ANO10: variants seen among roughly 807,000 people sequenced by gnomAD.
The protein encoded by ANO10 is anoctamin 10.
A neutral mutation model predicts 74.7 loss-of-function variants in ANO10; 77 were observed. The ratio of observed to expected loss-of-function variants is 1.03; its 90% CI spans 0.86 to 1.25. The LOEUF (loss-of-function observed/expected upper bound fraction) is 1.25, where lower values mean the gene tolerates loss of function less well. ANO10 is among the 50% of genes most tolerant of loss of function. The pLI, the probability that ANO10 is intolerant of heterozygous loss-of-function variation, is 0.00. For synonymous variants in ANO10, 279 were observed against 284.9 expected (o/e 0.98, Z 0.21); for missense variants, 721 against 778.1 (o/e 0.93, Z 0.87).
intron 11 of ANO10, among the ~76,000 whole-genome samples, chr3:43,461,843 C>A (rs971385202): frequency 3.3e-5 from 5 of 152,092 alleles, no homozygotes; most frequent in Admixed American, 3.3e-4. Context: ...GAAAAGATAC[C>A]CAAAAATGTG....
chr3:43,648,763 G>A (rs558679221), intron 1 of ANO10, among the ~76,000 whole-genome samples: 1 of 147,646 alleles, frequency 6.8e-6, no homozygotes, highest in East Asian at 2.1e-4. Context: ...TGCAAGCTCC[G>A]CTTCCCGGGT....
At chr3:43,383,380 G>A (rs1276358702) in intron 12 of ANO10, among the ~76,000 whole-genome samples, 3 of 151,254 alleles carry the variant, frequency 2.0e-5, no homozygotes, top group African/African-American at 4.9e-5. Context: ...CGTGAACATG[G>A]AAGGCAGAGC....
rs950048663 is a variant in ANO10 at position 43,687,230 on chromosome 3, C to T, written c.-12+4287G>A. On this transcript the variant is annotated intron_variant, in intron 1 of 3. Coordinates refer to the ANO10 transcript ENST00000413397. ...CTCTGGGAGGTCAGGAGTTTGAGAC[C>T]GGCCTGGGCAACACAGTGAGACCTG... 1.1e-4 allele frequency among the ~76,000 whole-genome samples: 16 copies of T among 152,164 alleles called. No individual in the cohort carries two copies. The East Asian group carries it at 1.7e-3, about 16-fold the overall frequency.
At chr3:43,376,468 C>A (rs892265792) in intron 12 of ANO10, among the ~76,000 whole-genome samples, 3 of 152,130 alleles carry the variant, frequency 2.0e-5, no homozygotes, top group African/African-American at 7.2e-5. Flanking sequence ...AAGTCCCTAA[C>A]ATCAAAAGCA....
intron 4 of ANO10, among the ~76,000 whole-genome samples, chr3:43,589,631 C>T (rs1351606617): frequency 6.6e-6 from 1 of 152,026 alleles, no homozygotes; most frequent in African/African-American, 2.4e-5. Flanking sequence ...TAAATAAATA[C>T]ATAAATTAAT....
chr3:43,577,377 C>T, intron 5 of ANO10, 116 bp from the exon 6 acceptor site: 2 of 1,015,968 alleles, frequency 2.0e-6, no homozygotes, highest in Non-Finnish European at 3.0e-6. Context: ...CCTCACTTCC[C>T]AAACAGCGTG....
At chr3:43,577,413 G>C in intron 5 of ANO10, 152 bp from the exon 6 acceptor site, 2 of 793,994 alleles carry the variant, frequency 2.5e-6, no homozygotes, top group Non-Finnish European at 4.1e-6. Flanking sequence ...CCTCCATGCA[G>C]TATAAAGACC....
At chr3:43,620,938 C>A (rs2083364056) in intron 1 of ANO10, among the ~76,000 whole-genome samples, 1 of 152,150 alleles carries the variant, frequency 6.6e-6, no homozygotes. Flanking sequence ...CTTTCCATAG[C>A]GAATTTTAAA....
At chr3:43,430,020 C>A (rs1276541671) in intron 12 of ANO10, among the ~76,000 whole-genome samples, 1 of 152,102 alleles carries the variant, frequency 6.6e-6, no homozygotes, top group Admixed American at 6.5e-5. Context: ...TTTCCCAAAT[C>A]CAGTGAGGAC....
rs561712248 is a variant in ANO10, at chr3:43,457,574, C to A, written c.1798-24847G>T. Among the ~76,000 whole-genome samples, 12 of 152,274 alleles carry A rather than the reference C, an allele frequency of 7.9e-5. No homozygotes were observed. In the East Asian group the frequency reaches 1.9e-3, roughly 24 times the overall value. ...ACCACCCCCATGATTCAATCACCTC[C>A]CTCCCTCAACATGTGGGGATCACGG... On this transcript the variant is annotated intron_variant, in intron 11 of 12. Transcript: ENST00000292246.
At chr3:43,678,931 C>T (rs1377610600) in intron 1 of ANO10, among the ~76,000 whole-genome samples, 1 of 152,158 alleles carries the variant, frequency 6.6e-6, no homozygotes, top group Non-Finnish European at 1.5e-5. Context: ...GTTATGCTTT[C>T]TAAAGATTTT....
In ANO10 at chr3:43,451,261, C is replaced by T. The variant is rs564091484; in HGVS notation, c.1798-18534G>A. 1.1e-4 allele frequency among the ~76,000 whole-genome samples: 16 copies of T among 152,282 alleles called. No homozygotes were observed. In the East Asian group the frequency reaches 1.4e-3, roughly 13 times the overall value. ...GCTGCAAGGGCTACTAGAAGACACA[C>T]CTGAGCTGAAGAGAGCCACCTTGAC... On this transcript the variant is annotated intron_variant, in intron 11 of 12. Coordinates refer to ENST00000292246, the MANE Select transcript of ANO10 (RefSeq NM_018075.5).
At chr3:43,531,811 C>T (rs1255580356) in intron 11 of ANO10, among the ~76,000 whole-genome samples, 1 of 152,004 alleles carries the variant, frequency 6.6e-6, no homozygotes, top group East Asian at 1.9e-4. Context: ...AGGAGGATCA[C>T]CTGAGCCCAG....
At chr3:43,686,813 G>T (rs750140137) in intron 1 of ANO10, among the ~76,000 whole-genome samples, 1 of 152,164 alleles carries the variant, frequency 6.6e-6, no homozygotes, top group Non-Finnish European at 1.5e-5. Flanking sequence ...AACAGACAGG[G>T]TTGCTCTAGA....
chr3:43,657,878 A>G (rs1312529247), intron 1 of ANO10, among the ~76,000 whole-genome samples: 1 of 152,182 alleles, frequency 6.6e-6, no homozygotes, highest in Non-Finnish European at 1.5e-5. Context: ...CTATGTTTTT[A>G]TTTATTGTGT....
chr3:43,393,282 C>T (rs1415576311), intron 12 of ANO10, among the ~76,000 whole-genome samples: 1 of 152,168 alleles, frequency 6.6e-6, no homozygotes, highest in East Asian at 1.9e-4. Context: ...AGCCATTCAC[C>T]CCAGAGCATG....
chr3:43,688,435 C>G (rs1443388980), intron 1 of ANO10, among the ~76,000 whole-genome samples: 2 of 152,226 alleles, frequency 1.3e-5, no homozygotes, highest in African/African-American at 4.8e-5. Flanking sequence ...ATCTCAGATG[C>G]TAATCCACAA....
intron 12 of ANO10, among the ~76,000 whole-genome samples, chr3:43,421,838 C>CA: frequency 3.8e-5 from 1 of 26,022 alleles, no homozygotes; most frequent in African/African-American, 1.0e-4. Context: ...ACCATGTCTC[C>CA]AAAAAAAAAA....
intron 7 of ANO10, among the ~76,000 whole-genome samples, chr3:43,566,540 G>A (rs551638132): frequency 3.3e-5 from 5 of 152,320 alleles, no homozygotes; most frequent in African/African-American, 9.6e-5. Context: ...TGACCCCCGA[G>A]CAGCCTAACT....
Sources: gnomAD v4.1 joint callset for allele counts (sites outside exome capture counted in the v4.1 genomes callset) on GRCh38, gnomAD v4.1.1 for gene constraint, MANE v1.5 for transcripts, NCBI Gene and HGNC (gene_info 2026-07-23, HGNC 2026-07-21) for gene names.